The following OPRK1 variants were observed in gnomAD, a reference collection of about 807,000 sequenced individuals.
The protein encoded by OPRK1 is opioid receptor kappa 1.
A neutral mutation model predicts 24.5 loss-of-function variants in OPRK1; 15 were observed. That is an observed-to-expected ratio of 0.61 (90% CI 0.41 to 0.94). OPRK1 has a LOEUF of 0.94. OPRK1 is among the 40% of genes least tolerant of loss of function. The pLI is 0.00. For synonymous variants in OPRK1, 205 were observed against 198.0 expected, an observed-to-expected ratio of 1.04 and a Z score of -0.30; for missense variants, 479 against 507.3, an observed-to-expected ratio of 0.94 and a Z score of 0.54.
rs1806804583 is a variant in OPRK1 at position 53,229,651 on chromosome 8, T to C, written c.789A>G (p.Arg263=). Residue 263 remains arginine, a synonymous_variant, in exon 4 of 4, where the codon CGA becomes CGG. Coordinates refer to ENST00000265572, the MANE Select transcript of OPRK1 (RefSeq NM_000912.5). ...LKSVRLLSGS[R]EKDRNLRRIT... ...TCCTACGCAGGTTGCGATCTTTCTCTCGGGAGCCAGAAAGGAGCCGGACGC... is the reference window on the plus strand; with the variant it reads ...TCCTACGCAGGTTGCGATCTTTCTCCCGGGAGCCAGAAAGGAGCCGGACGC... 2 of 1,613,826 alleles carry C rather than the reference T, an allele frequency of 1.2e-6. No homozygotes were observed. The highest frequency in any genetic ancestry group is 3.3e-5 in the Admixed American group (2 of 59,990).
intron 2 of OPRK1, among the ~76,000 whole-genome samples, chr8:53,236,139 T>A (rs146231800): frequency 1.3e-5 from 2 of 152,182 alleles, no homozygotes; most frequent in African/African-American, 2.4e-5. Context: ...AATTTCCACA[T>A]GAGAAACAAC....
At chr8:53,244,994 A>G (rs1807197423) in intron 2 of OPRK1, among the ~76,000 whole-genome samples, 1 of 152,242 alleles carries the variant, frequency 6.6e-6, no homozygotes, top group South Asian at 2.1e-4. Flanking sequence ...ATCCTCCCTT[A>G]TACTCTAAGT....
intron 2 of OPRK1, among the ~76,000 whole-genome samples, chr8:53,246,360 G>A (rs967646228): frequency 1.1e-4 from 16 of 152,142 alleles, no homozygotes; most frequent in African/African-American, 3.4e-4. Context: ...GGACTGCGTG[G>A]AAGAAAAGGA....
intron 2 of OPRK1, 63 bp from the exon 3 acceptor site, chr8:53,235,174 GTTTGTGATAGCC>G: frequency 7.3e-7 from 1 of 1,368,882 alleles, no homozygotes; most frequent in Non-Finnish European, 1.0e-6. Flanking sequence ...AGGTGAATGT[GTTTGTGATAGCC>G]TTTGGATTAC....
chr8:53,229,385 ATCC>A lies in OPRK1; in HGVS notation c.1052_1054del (p.Arg351del). 6.2e-7 allele frequency: 1 copy of A among 1,614,202 alleles called. No individual in the cohort carries two copies. On this transcript the variant is annotated inframe_deletion, in exon 4 of 4. Transcript: ENST00000265572. The stretch of plus-strand genomic sequence containing the variant: ...GACTCTGCTAGTGCTCTGCCGCTCC[ATCC>A]TCATCTTCAGTGGAAAGCAGAAGTC...
chr8:53,229,384 C>T lies in OPRK1; in HGVS notation c.1056G>A (p.Met352Ile), dbSNP rs773152706. Residue 352 changes from methionine (M) to isoleucine (I), a missense_variant, in exon 4 of 4, where the codon ATG (methionine) becomes ATA (isoleucine). Met to Ile is a conservative substitution (Grantham distance 10, BLOSUM62 1). Coordinates refer to ENST00000265572, the MANE Select transcript of OPRK1 (RefSeq NM_000912.5). ...GGACTCTGCTAGTGCTCTGCCGCTC[C>T]ATCCTCATCTTCAGTGGAAAGCAGA... ...RDFCFPLKMRMERQSTSRVRN... is the reference protein window; with the variant it reads ...RDFCFPLKMRIERQSTSRVRN... The T allele has an allele frequency of 1.9e-6, 3 of 1,614,236 alleles. No homozygotes were observed. In the South Asian group the frequency reaches 3.3e-5, roughly 18 times the overall value.
chr8:53,233,936 G>A (rs183708866), intron 3 of OPRK1, among the ~76,000 whole-genome samples: 2 of 152,150 alleles, frequency 1.3e-5, no homozygotes, highest in Admixed American at 6.5e-5. Context: ...AGTGGCTCAC[G>A]CCTGTAATCC....
In OPRK1 at chr8:53,226,818, A is replaced by G. The variant is rs1806702827; in HGVS notation, c.*2479T>C. 6.6e-6 allele frequency: 1 copy of G among 152,204 alleles called. No homozygotes were observed. Among genetic ancestry groups the G allele is most frequent in the Non-Finnish European group, 1.5e-5 (1 of 68,036 alleles). The allele number at this position is 152,204 out of a possible 1,614,324, so 9.4% of individuals were successfully genotyped here. ...TCAATGTTGGGGAGTCGATATTAAC[A>G]AGAATCAAGAAGCTTGGACACCCCT... is the stretch of plus-strand genomic sequence containing the variant. On this transcript the variant is annotated 3_prime_UTR_variant, in exon 4 of 4. Transcript: ENST00000265572.
At position 53,229,644 on chromosome 8, in the gene OPRK1, C is replaced by G; in HGVS notation, c.796G>C (p.Asp266His). Residue 266 changes from aspartate to histidine, a missense_variant, in exon 4 of 4, where the codon GAT becomes CAT. Asp to His is a moderately conservative substitution (Grantham distance 81). Transcript: ENST00000265572. Reference protein sequence around the residue: ...VRLLSGSREKDRNLRRITRLV... With the variant: ...VRLLSGSREKHRNLRRITRLV... ...CTGGTGATCCTACGCAGGTTGCGAT[C>G]TTTCTCTCGGGAGCCAGAAAGGAGC... is the stretch of plus-strand genomic sequence containing the variant. 6.2e-7 allele frequency: 1 copy of G among 1,614,124 alleles called. No homozygotes were observed. Among genetic ancestry groups the G allele is most frequent in the Non-Finnish European group, 8.5e-7 (1 of 1,180,000 alleles).
intron 3 of OPRK1, among the ~76,000 whole-genome samples, chr8:53,234,253 T>C (rs1585630212): frequency 1.3e-5 from 2 of 148,960 alleles, no homozygotes. Flanking sequence ...CAAAATCAAG[T>C]GGTTCTGCTC....
At chr8:53,250,100 CAA>C (rs1491473215) in intron 2 of OPRK1, among the ~76,000 whole-genome samples, 72 of 148,888 alleles carry the variant, frequency 4.8e-4, no homozygotes, top group African/African-American at 9.1e-4. Flanking sequence ...CACACACACA[CAA>C]ATAAAACCTT....
chr8:53,244,784 G>A lies in OPRK1; in HGVS notation c.257+5997C>T, dbSNP rs376632287. 6.6e-4 allele frequency among the ~76,000 whole-genome samples: 101 copies of A among 152,288 alleles called. 2 individuals are homozygous for A. The highest frequency in any genetic ancestry group is 2.2e-3 in the African/African-American group (90 of 41,560). On this transcript the variant is annotated intron_variant, in intron 2 of 3. Transcript: ENST00000265572. ...CTTAAGGAGAACAGAAAGAGGATGG[G>A]CAGTGTTCTGAGCTGAACCGTGTCC...
chr8:53,227,321 T>C lies in OPRK1; in HGVS notation c.*1976A>G, dbSNP rs1806725093. On this transcript the variant is annotated 3_prime_UTR_variant, in exon 4 of 4. Transcript: ENST00000265572. The stretch of plus-strand genomic sequence containing the variant: ...AAGGAAACACACTACTGTGATTTCA[T>C]CTCATAATCCTATCTCTGTTATACT... 1 of 151,574 alleles carries C rather than the reference T, an allele frequency of 6.6e-6. No homozygotes were observed. The highest frequency in any genetic ancestry group is 2.1e-4 in the South Asian group (1 of 4,812). The allele number at this position is 151,574 out of a possible 1,614,324, so 9.4% of individuals were successfully genotyped here.
chr8:53,250,138 C>T (rs1263029597), intron 2 of OPRK1, among the ~76,000 whole-genome samples: 1 of 150,236 alleles, frequency 6.7e-6, no homozygotes, highest in East Asian at 2.0e-4. Context: ...AAAAAAACAG[C>T]GAAGTAGTTT....
chr8:53,243,621 G>A (rs1807164906), intron 2 of OPRK1, among the ~76,000 whole-genome samples: 1 of 152,114 alleles, frequency 6.6e-6, no homozygotes, highest in African/African-American at 2.4e-5. Context: ...ACATCCCTCA[G>A]GGGAGAAAAT....
rs182691462 is a variant in OPRK1 at position 53,247,096 on chromosome 8, T to C, written c.257+3685A>G. On this transcript the variant is annotated intron_variant, in intron 2 of 3. Transcript: ENST00000265572. Reference sequence around the variant, plus strand: ...GGGTTAAGGCTTTGGTGGAAGACACTGGCAGAAGTACAAGAAGGCAGGACA... The same window carrying C: ...GGGTTAAGGCTTTGGTGGAAGACACCGGCAGAAGTACAAGAAGGCAGGACA... 4.7e-3 allele frequency among the ~76,000 whole-genome samples: 711 copies of C among 152,352 alleles called. 7 individuals carry two copies. Among genetic ancestry groups the C allele is most frequent in the Non-Finnish European group, 8.0e-3 (546 of 68,030 alleles).
chr8:53,230,362 G>A (rs1226258111), intron 3 of OPRK1, among the ~76,000 whole-genome samples: 1 of 152,024 alleles, frequency 6.6e-6, no homozygotes, highest in East Asian at 1.9e-4. Flanking sequence ...AAATTGATAT[G>A]GAATTTGTTT....
rs1020465821 is a variant in OPRK1 at position 53,242,962 on chromosome 8, C to A, written c.257+7819G>T. 8 of 1,277,230 alleles carry A rather than the reference C, an allele frequency of 6.3e-6. No homozygotes were observed. The African/African-American group carries it at 1.2e-4, about 19-fold the overall frequency. The allele number at this position is 1,277,230 out of a possible 1,614,324, so 79.1% of individuals were successfully genotyped here. ...GTGTTAAGCCATTTATAGTATTATC[C>A]CCACTCCTAAAATCTATTCTTCATA... On this transcript the variant is annotated intron_variant, in intron 2 of 3. Coordinates refer to ENST00000265572, the MANE Select transcript of OPRK1 (RefSeq NM_000912.5).
chr8:53,246,527 G>A (rs1807232680), intron 2 of OPRK1, among the ~76,000 whole-genome samples: 1 of 152,204 alleles, frequency 6.6e-6, no homozygotes, highest in African/African-American at 2.4e-5. Flanking sequence ...ATGTTCATGT[G>A]CTGAAGAGCA....
Sources: allele counts gnomAD v4.1 joint callset (sites outside exome capture counted in the v4.1 genomes callset), GRCh38; gene constraint gnomAD v4.1.1; transcripts MANE v1.5; gene names NCBI Gene and HGNC (gene_info 2026-07-23, HGNC 2026-07-21).